The following P4HA3 variants were observed in gnomAD, a reference collection of about 807,000 sequenced individuals.
P4HA3 encodes the protein prolyl 4-hydroxylase subunit alpha-3.
In P4HA3, 60 loss-of-function variants were observed where a neutral mutation model predicts 66.7. The ratio of observed to expected loss-of-function variants is 0.90; its 90% CI spans 0.73 to 1.12. The LOEUF (loss-of-function observed/expected upper bound fraction) is 1.12. Among genes scored for constraint, P4HA3 ranks in the 50% most tolerant of loss-of-function variants. The pLI is 0.00. For synonymous variants in P4HA3, 263 were observed against 274.6 expected (o/e 0.96, Z 0.42); for missense variants, 683 against 685.8 (o/e 1.00, Z 0.05).
intron 5 of P4HA3, among the ~76,000 whole-genome samples, 199 bp from the exon 6 acceptor site, chr11:74,286,590 A>G (rs946187213): frequency 2.6e-5 from 4 of 152,186 alleles, no homozygotes; most frequent in Non-Finnish European, 5.9e-5. Flanking sequence ...TAAAAGACTG[A>G]CTTGATCCTG....
chr11:74,274,628 T>C (rs969601461), intron 9 of P4HA3, among the ~76,000 whole-genome samples: 1 of 152,196 alleles, frequency 6.6e-6, no homozygotes, highest in African/African-American at 2.4e-5. Flanking sequence ...TCTTGGTTAT[T>C]ACAAATAAAG....
chr11:74,281,770 T>C (rs1189123363), intron 7 of P4HA3, among the ~76,000 whole-genome samples: 1 of 151,948 alleles, frequency 6.6e-6, no homozygotes, highest in Non-Finnish European at 1.5e-5. Context: ...ATATACCTAA[T>C]GCTAGATGAC....
intron 10 of P4HA3, 25 bp from the exon 11 acceptor site, chr11:74,269,745 G>C (rs1860126296): frequency 6.2e-7 from 1 of 1,612,020 alleles, no homozygotes; most frequent in Admixed American, 1.7e-5. Flanking sequence ...GAAGAAGCCA[G>C]AGTTAAAACT....
chr11:74,252,629 A>C (rs1859732102), intron 15 of P4HA3: 2 of 429,782 alleles, frequency 4.7e-6, no homozygotes, highest in Admixed American at 2.4e-5. Context: ...TGTCCTGTGC[A>C]TTGTAGGATG....
Position 74,304,325 on chromosome 11 carries a change from CA to C in P4HA3, c.287del (p.Leu96ArgfsTer21). 6.2e-7 allele frequency: 1 copy of C among 1,614,084 alleles called. No homozygotes were observed. Among genetic ancestry groups the C allele is most frequent in the Non-Finnish European group, 8.5e-7 (1 of 1,180,006 alleles). On this transcript the variant is annotated frameshift_variant, in exon 2 of 13. Coordinates refer to ENST00000331597, the MANE Select transcript of P4HA3 (RefSeq NM_182904.5). LOFTEE classifies it high-confidence loss of function. Reference protein sequence around the residue: ...PLLAFTLIKRLQSDWRNVVHS... With the variant: ...PLLAFTLIKRXQSDWRNVVHS... ...GTACCACATTCCTCCAGTCAGACTG[CA>C]GGCGTTTGATGAGAGTAAATGCAAG...
At chr11:74,302,880 C>CTTCTTT (rs988649844) in intron 2 of P4HA3, among the ~76,000 whole-genome samples, 9 of 152,110 alleles carry the variant, frequency 5.9e-5, no homozygotes, top group African/African-American at 9.7e-5. Context: ...GGAGACAACT[C>CTTCTTT]TTCTTTTTCT....
chr11:74,256,968 T>A (rs574437303), intron 15 of P4HA3, among the ~76,000 whole-genome samples: 1 of 151,840 alleles, frequency 6.6e-6, no homozygotes, highest in Non-Finnish European at 1.5e-5. Context: ...AGGCATCCAA[T>A]GGACTTTGTA....
intron 6 of P4HA3, 58 bp downstream of exon 6, chr11:74,286,170 T>A: frequency 6.4e-7 from 1 of 1,570,924 alleles, no homozygotes; most frequent in Non-Finnish European, 8.6e-7. Flanking sequence ...ATCCCAATTC[T>A]AGCTTCTCAA....
chr11:74,279,674 T>C (rs144639917), intron 7 of P4HA3, among the ~76,000 whole-genome samples: 75 of 152,344 alleles, frequency 4.9e-4, no homozygotes, highest in African/African-American at 1.8e-3. Flanking sequence ...AAATAACCTT[T>C]AACACTGTGT....
At chr11:74,281,932 A>C (rs1860618571) in intron 7 of P4HA3, among the ~76,000 whole-genome samples, 1 of 150,770 alleles carries the variant, frequency 6.6e-6, no homozygotes, top group South Asian at 2.1e-4. Flanking sequence ...AAAATAAATA[A>C]AATGCAGCTT....
intron 4 of P4HA3, 54 bp from the exon 5 acceptor site, chr11:74,289,184 T>G: frequency 3.5e-5 from 47 of 1,331,570 alleles, no homozygotes; most frequent in Non-Finnish European, 4.3e-5. Context: ...AGGATATCTC[T>G]TCTGAACAAA....
Position 74,277,143 on chromosome 11 carries a change from C to T in P4HA3, c.1177G>A (p.Ala393Thr), listed in dbSNP as rs1860427985. 6.2e-7 allele frequency: 1 copy of T among 1,611,448 alleles called. No homozygotes were observed. Among genetic ancestry groups the T allele is most frequent in the Non-Finnish European group, 8.5e-7 (1 of 1,178,452 alleles). ...LQVEYRISKS[A>T]WLKDTVDPKL... The stretch of plus-strand genomic sequence containing the variant: ...GGGTCAACAGTGTCCTTCAGCCAGG[C>T]ACTAAAACACACCACAGATTGAAGC... Residue 393 changes from alanine to threonine, a missense_variant and splice_region_variant, in exon 9 of 13, where the codon GCC becomes ACC. Coordinates refer to ENST00000331597, the MANE Select transcript of P4HA3 (RefSeq NM_182904.5).
rs1222718668 is a variant in P4HA3 at position 74,266,874 on chromosome 11, A to AT, written c.*373dup. ...GCTAGCCCCTCCTGCAGGTGTCCTC[A>AT]TTGCCACTTCTTGGTCCCTGTGGTC... On this transcript the variant is annotated 3_prime_UTR_variant, in exon 13 of 13. Transcript: ENST00000331597. 5.0e-6 allele frequency: 4 copies of AT among 801,532 alleles called. No homozygotes were observed. Among genetic ancestry groups the AT allele is most frequent in the Non-Finnish European group, 7.6e-6 (4 of 524,562 alleles). The allele number at this position is 801,532 out of a possible 1,614,324, so 49.7% of individuals were successfully genotyped here. A position where few individuals can be genotyped will look rare whatever the true frequency, so the allele number is the denominator to read the frequency against.
At chr11:74,291,950 C>A (rs1396402259) in intron 4 of P4HA3, among the ~76,000 whole-genome samples, 1 of 152,148 alleles carries the variant, frequency 6.6e-6, no homozygotes, top group South Asian at 2.1e-4. Context: ...CAGGATGATG[C>A]TGGCCTCATA....
chr11:74,302,323 T>G, intron 3 of P4HA3, 46 bp downstream of exon 3: 1 of 1,513,008 alleles, frequency 6.6e-7, no homozygotes, highest in African/African-American at 1.4e-5. Flanking sequence ...ATTTTATCCA[T>G]AAGAAACCAG....
intron 8 of P4HA3, 52 bp downstream of exon 8, chr11:74,279,336 G>GCTA: frequency 6.5e-7 from 1 of 1,543,180 alleles, no homozygotes; most frequent in Non-Finnish European, 9.0e-7. Flanking sequence ...AGTCAGCTAT[G>GCTA]CTACGGCCCG....
At chr11:74,256,998 G>C (rs1299374940) in intron 15 of P4HA3, among the ~76,000 whole-genome samples, 1 of 152,148 alleles carries the variant, frequency 6.6e-6, no homozygotes, top group East Asian at 1.9e-4. Context: ...AAATAATGAG[G>C]CTCTTAAAAT....
chr11:74,304,190 T>A (rs1861504538), intron 2 of P4HA3, 80 bp downstream of exon 2: 9 of 1,540,176 alleles, frequency 5.8e-6, no homozygotes, highest in Middle Eastern at 4.4e-4. Context: ...TGAAATCACA[T>A]CCCAACAGAA....
At chr11:74,299,657 A>T (rs1861339078) in intron 3 of P4HA3, among the ~76,000 whole-genome samples, 1 of 140,900 alleles carries the variant, frequency 7.1e-6, no homozygotes, top group South Asian at 2.3e-4. Flanking sequence ...GTTTTATTAT[A>T]TATTTTCAAG....
Sources: gnomAD v4.1 joint callset for allele counts (sites outside exome capture counted in the v4.1 genomes callset) on GRCh38, gnomAD v4.1.1 for gene constraint, MANE v1.5 for transcripts, NCBI Gene and HGNC (gene_info 2026-07-23, HGNC 2026-07-21) for gene names.